Variants in NT5C1A observed in about 807,000 individuals in gnomAD.
NT5C1A encodes 5'-nucleotidase, cytosolic IA, also known as cytosolic 5'-nucleotidase 1A.
NT5C1A carries 18 observed loss-of-function variants against 31.0 expected under a neutral mutation model. That is an observed-to-expected ratio of 0.58 (90% CI 0.40 to 0.86). The LOEUF (loss-of-function observed/expected upper bound fraction) is 0.86. Ranked by LOEUF, NT5C1A falls within the 40% of genes least tolerant of loss-of-function variation. The probability of loss-of-function intolerance (pLI) is 0.00; values close to 1 mark genes in which losing one functional copy is unlikely to be tolerated. For synonymous variants in NT5C1A, 185 were observed against 203.6 expected, an observed-to-expected ratio of 0.91 and a Z score of 0.78; for missense variants, 470 against 505.4, an observed-to-expected ratio of 0.93 and a Z score of 0.67.
At chr1:39,665,456 C>T (rs1646516053) in intron 3 of NT5C1A, 65 bp downstream of exon 3, 2 of 1,508,002 alleles carry the variant, frequency 1.3e-6, no homozygotes, top group African/African-American at 1.4e-5. Context: ...AGGTGTGGCC[C>T]CATCCCTGGG....
At position 39,666,098 on chromosome 1, in the gene NT5C1A, T is replaced by C. The variant is rs779859767; in HGVS notation, c.274A>G (p.Ser92Gly). The change falls in exon 2 of 6, where the codon AGT becomes GGT. Residue 92 changes from serine (S) to glycine (G), a missense_variant. Ser to Gly is a moderately conservative substitution (Grantham distance 56). Coordinates refer to ENST00000235628, the MANE Select transcript of NT5C1A (RefSeq NM_032526.3). Reference protein sequence around the residue: ...YQLEHENEPFSPGPAFPFVKA... With the variant: ...YQLEHENEPFGPGPAFPFVKA... ...ACAAAAGGGAAGGCTGGCCCGGGAC[T>C]GAAGGGTTCGTTCTCATGTTCCAGC... 1 of 1,613,516 alleles carries C rather than the reference T, an allele frequency of 6.2e-7. No homozygotes were observed. The highest frequency in any genetic ancestry group is 1.3e-5 in the African/African-American group (1 of 74,952).
At position 39,655,591 on chromosome 1, in the gene NT5C1A, G is replaced by T. The variant is rs1646454832; in HGVS notation, c.*3530C>A. Among the ~76,000 whole-genome samples, 3 of 152,074 alleles carry T rather than the reference G, an allele frequency of 2.0e-5. No individual in the cohort carries two copies. Among genetic ancestry groups the T allele is most frequent in the Admixed American group, 2.0e-4 (3 of 15,266 alleles). ...TATGTATGAGCAGTATGACAAAATG[G>T]TTGAAAACCTGGGTCCTAGAATCAG... On this transcript the variant is annotated 3_prime_UTR_variant, in exon 6 of 6. Coordinates refer to ENST00000235628, the MANE Select transcript of NT5C1A (RefSeq NM_032526.3).
At chr1:39,660,650 T>C (rs556658456) in intron 5 of NT5C1A, among the ~76,000 whole-genome samples, 1 of 151,882 alleles carries the variant, frequency 6.6e-6, no homozygotes, top group South Asian at 2.1e-4. Context: ...GGGCGGGGGA[T>C]CTCAGGGAGG....
Position 39,652,529 on chromosome 1 carries a change from G to A in NT5C1A, c.*6592C>T, listed in dbSNP as rs1646437970. 6.6e-6 allele frequency among the ~76,000 whole-genome samples: 1 copy of A among 152,030 alleles called. No homozygotes were observed. The highest frequency in any genetic ancestry group is 2.4e-5 in the African/African-American group (1 of 41,398). ...GACCCTGGCCCAGGCATCCAGTCTA[G>A]GGTGACCTCAGTGATTTTCTTGGTG... On this transcript the variant is annotated 3_prime_UTR_variant, in exon 6 of 6. Coordinates refer to ENST00000235628, the MANE Select transcript of NT5C1A (RefSeq NM_032526.3).
chr1:39,651,403 G>A lies in NT5C1A; in HGVS notation c.*7718C>T, dbSNP rs930031919. Among the ~76,000 whole-genome samples, 2 of 152,190 alleles carry A rather than the reference G, an allele frequency of 1.3e-5. No homozygotes were observed. Among genetic ancestry groups the A allele is most frequent in the Non-Finnish European group, 1.5e-5 (1 of 68,036 alleles). On this transcript the variant is annotated 3_prime_UTR_variant, in exon 6 of 6. Transcript: ENST00000235628. ...ACAAAGAGCCAGACAGGTCTGGATC[G>A]ATGGGGTGTGCTACTAGTAGGCCAA... is the stretch of plus-strand genomic sequence containing the variant.
In NT5C1A at chr1:39,654,362, G is replaced by A; in HGVS notation, c.*4759C>T. ...TCACAGAAAGTACATGGATGACCTT[G>A]TTGGCTCGGAGCTGCTGAAATCAAC... On this transcript the variant is annotated 3_prime_UTR_variant, in exon 6 of 6. Transcript: ENST00000235628. 1.3e-5 allele frequency among the ~76,000 whole-genome samples: 2 copies of A among 152,298 alleles called. No individual in the cohort carries two copies. The highest frequency in any genetic ancestry group is 1.3e-4 in the Admixed American group (2 of 15,280).
At chr1:39,662,694 A>T (rs984555303) in intron 4 of NT5C1A, among the ~76,000 whole-genome samples, 6 of 152,142 alleles carry the variant, frequency 3.9e-5, no homozygotes, top group Admixed American at 2.6e-4. Flanking sequence ...TTGCTCCTCT[A>T]TGGGCCTGTT....
chr1:39,665,761 G>A, intron 2 of NT5C1A, 111 bp from the exon 3 acceptor site: 3 of 1,106,790 alleles, frequency 2.7e-6, no homozygotes, highest in Non-Finnish European at 3.9e-6. Flanking sequence ...GATGAGATAA[G>A]TGCACATGAA....
rs576867196 is a variant in NT5C1A at position 39,658,468 on chromosome 1, G to A, written c.*653C>T. ...CAGCCTCTATCCTGCTAACTAAGCT[G>A]TGTACCCCACTATGGGACTGGGTCA... is the stretch of plus-strand genomic sequence containing the variant. On this transcript the variant is annotated 3_prime_UTR_variant, in exon 6 of 6. Transcript: ENST00000235628. Among the ~76,000 whole-genome samples, 5 of 152,338 alleles carry A rather than the reference G, an allele frequency of 3.3e-5. No individual in the cohort carries two copies. In the South Asian group the frequency reaches 1.0e-3, roughly 32 times the overall value.
In NT5C1A at chr1:39,658,568, A is replaced by G. The variant is rs16826428; in HGVS notation, c.*553T>C. 0.036 allele frequency among the ~76,000 whole-genome samples: 5,462 copies of G among 152,320 alleles called. 313 individuals carry two copies. The highest frequency in any genetic ancestry group is 0.12 in the African/African-American group (5,100 of 41,544). On this transcript the variant is annotated 3_prime_UTR_variant, in exon 6 of 6. Coordinates refer to ENST00000235628, the MANE Select transcript of NT5C1A (RefSeq NM_032526.3). Reference sequence around the variant, plus strand: ...CTTTTGTAATTTGCACAAAGGTGCCATACATACCAGCAGCAGCACTGACAC... The same window carrying G: ...CTTTTGTAATTTGCACAAAGGTGCCGTACATACCAGCAGCAGCACTGACAC...
At position 39,661,260 on chromosome 1, in the gene NT5C1A, A is replaced by C; in HGVS notation, c.560T>G (p.Ile187Ser). 2 of 1,559,792 alleles carry C rather than the reference A, an allele frequency of 1.3e-6. No individual in the cohort carries two copies. Among genetic ancestry groups the C allele is most frequent in the Non-Finnish European group, 8.8e-7 (1 of 1,134,292 alleles). Residue 187 changes from isoleucine (I) to serine (S), a missense_variant, in exon 5 of 6, where the codon ATC becomes AGC. Ile to Ser is a moderately radical substitution (Grantham distance 142). Transcript: ENST00000235628. Reference protein sequence around the residue: ...EKVREAIDEGIAAATIFSPSR... With the variant: ...EKVREAIDEGSAAATIFSPSR... ...GGGGCTGAAGATGGTGGCAGCTGCG[A>C]TCCCTAGGCAGAGAGAGGCAAGCAT... is the stretch of plus-strand genomic sequence containing the variant.
rs1646435749 is a variant in NT5C1A at position 39,652,105 on chromosome 1, T to TGA, written c.*7014_*7015dup. 1.4e-5 allele frequency among the ~76,000 whole-genome samples: 2 copies of TGA among 139,052 alleles called. No individual in the cohort carries two copies. The highest frequency in any genetic ancestry group is 4.8e-4 in the South Asian group (2 of 4,126). 91.2% of individuals were successfully genotyped at this position (139,052 alleles called of 152,430 possible). A position where few individuals can be genotyped will look rare whatever the true frequency, so the allele number is the denominator to read the frequency against. On this transcript the variant is annotated 3_prime_UTR_variant, in exon 6 of 6. Coordinates refer to ENST00000235628, the MANE Select transcript of NT5C1A (RefSeq NM_032526.3). ...TACGCAGTTTTGAACACACAAAGGC[T>TGA]GAGCTAGGTCATCTCTGAGGTCTCT...
rs959192952 is a variant in NT5C1A at position 39,661,069 on chromosome 1, T to C, written c.741+10A>G. On this transcript the variant is annotated intron_variant, in intron 5 of 5. Transcript: ENST00000235628. ...GTTCCTCTCAGGGGTTCTGGGTCTA[T>C]GGGGAGCACCTGAGCCAGAGGTTTG... is the stretch of plus-strand genomic sequence containing the variant. The C allele has an allele frequency of 6.5e-7, 1 of 1,549,080 alleles. No homozygotes were observed. Among genetic ancestry groups the C allele is most frequent in the Admixed American group, 1.7e-5 (1 of 59,300 alleles).
rs529280177 is a variant in NT5C1A, at chr1:39,659,061, A to T, written c.*60T>A. On this transcript the variant is annotated 3_prime_UTR_variant, in exon 6 of 6. Coordinates refer to ENST00000235628, the MANE Select transcript of NT5C1A (RefSeq NM_032526.3). ...AGAAACTAGAGGGATCTACCAGAGG[A>T]GGTGTCGAAGTATGTCAGGGAGCCT... 32 of 1,521,386 alleles carry T rather than the reference A, an allele frequency of 2.1e-5. No homozygotes were observed. In the South Asian group the frequency reaches 3.9e-4, roughly 18 times the overall value. The allele number at this position is 1,521,386 out of a possible 1,614,324, so 94.2% of individuals were successfully genotyped here.
At chr1:39,661,661 G>A (rs966471679) in intron 4 of NT5C1A, among the ~76,000 whole-genome samples, 3 of 152,146 alleles carry the variant, frequency 2.0e-5, no homozygotes, top group African/African-American at 2.4e-5. Flanking sequence ...GAGTCCCATC[G>A]GCCACTGCCT....
At chr1:39,660,770 AG>A (rs778349916) in intron 5 of NT5C1A, among the ~76,000 whole-genome samples, 1 of 152,116 alleles carries the variant, frequency 6.6e-6, no homozygotes, top group Non-Finnish European at 1.5e-5. Flanking sequence ...TGGGGACGTC[AG>A]GGAGGGAAAG....
At position 39,671,715 on chromosome 1, in the gene NT5C1A, T is replaced by TA. The variant is rs112751063; in HGVS notation, c.135+188dup. On this transcript the variant is annotated intron_variant, in intron 1 of 5. Transcript: ENST00000235628. ...GCCTGGCGTGGAACCCGAGTCCCGG[T>TA]AAAAAAATACACCAGAGCAGAGCTC... is the stretch of plus-strand genomic sequence containing the variant. Among the ~76,000 whole-genome samples the TA allele has an allele frequency of 1.2e-3, 189 of 151,250 alleles. 1 individual carries two copies. Among genetic ancestry groups the TA allele is most frequent in the African/African-American group, 3.7e-3 (152 of 41,190 alleles).
chr1:39,661,703 T>C (rs1032209016), intron 4 of NT5C1A, among the ~76,000 whole-genome samples: 41 of 152,200 alleles, frequency 2.7e-4, no homozygotes, highest in African/African-American at 6.5e-4. Flanking sequence ...GCCCCTGATG[T>C]AGACCGACAG....
In NT5C1A at chr1:39,671,974, G is replaced by T; in HGVS notation, c.65C>A (p.Ala22Asp). ...PREPGPGAET[A>D]AAPVWEEAKI... Reference sequence around the variant, plus strand: ...GGCTTCCTCCCAGACCGGGGCCGCAGCGGTCTCCGCTCCTGGCCCGGGCTC... The same window carrying T: ...GGCTTCCTCCCAGACCGGGGCCGCATCGGTCTCCGCTCCTGGCCCGGGCTC... Residue 22 changes from alanine to aspartate, a missense_variant, in exon 1 of 6, where the codon GCT (alanine) becomes GAT (aspartate). Transcript: ENST00000235628. The T allele has an allele frequency of 6.2e-7, 1 of 1,611,682 alleles. No homozygotes were observed.
Sources: allele counts gnomAD v4.1 joint callset (sites outside exome capture counted in the v4.1 genomes callset), GRCh38; gene constraint gnomAD v4.1.1; transcripts MANE v1.5; gene names NCBI Gene and HGNC (gene_info 2026-07-23, HGNC 2026-07-21).